The following ROCK2 variants were observed in gnomAD, a reference collection of about 807,000 sequenced individuals.
ROCK2 encodes the protein rho-associated protein kinase 2.
A neutral mutation model predicts 195.1 loss-of-function variants in ROCK2; 61 were observed. That is an observed-to-expected ratio of 0.31 (90% confidence interval 0.25 to 0.39). The LOEUF is 0.39. Ranked by LOEUF, ROCK2 falls within the 10% of genes least tolerant of loss-of-function variation. The pLI is 1.00. For synonymous variants in ROCK2, 504 were observed against 545.5 expected, an observed-to-expected ratio of 0.92 and a Z score of 1.06; for missense variants, 1,109 against 1,637.4, an observed-to-expected ratio of 0.68 and a Z score of 5.57.
rs767032283 is a variant in ROCK2, at chr2:11,182,559, T to G, written c.*878A>C. On this transcript the variant is annotated 3_prime_UTR_variant, in exon 33 of 33. Coordinates refer to ENST00000315872, the MANE Select transcript of ROCK2 (RefSeq NM_004850.5). ...ATTTGTTAATCAAAATAGGCTGACA[T>G]TGATATAACTATTTATGTGTAAAAA... is the stretch of plus-strand genomic sequence containing the variant. 2 of 152,356 alleles carry G rather than the reference T, an allele frequency of 1.3e-5. No homozygotes were observed. Among genetic ancestry groups the G allele is most frequent in the Non-Finnish European group, 2.9e-5 (2 of 68,040 alleles). 9.4% of individuals were successfully genotyped at this position (152,356 alleles called of 1,614,324 possible).
rs1664983640 is a variant in ROCK2 at position 11,230,873 on chromosome 2, G to A, written c.724-3475C>T. On this transcript the variant is annotated intron_variant, in intron 5 of 32. Coordinates refer to ENST00000315872, the MANE Select transcript of ROCK2 (RefSeq NM_004850.5). ...AAAGGTGGAAAAAAAACTGTAAATG[G>A]AATTTTTAATAACAGAATCACTGAA... Among the ~76,000 whole-genome samples the A allele has an allele frequency of 2.6e-5, 4 of 151,916 alleles. No individual in the cohort carries two copies. In the South Asian group the frequency reaches 8.3e-4, roughly 32 times the overall value.
rs181933666 is a variant in ROCK2 at position 11,272,496 on chromosome 2, T to C, written c.324+14043A>G. Among the ~76,000 whole-genome samples, 625 of 152,276 alleles carry C rather than the reference T, an allele frequency of 4.1e-3. 3 individuals are homozygous for C. The highest frequency in any genetic ancestry group is 0.014 in the African/African-American group (565 of 41,568). On this transcript the variant is annotated intron_variant, in intron 3 of 32. Coordinates refer to ENST00000315872, the MANE Select transcript of ROCK2 (RefSeq NM_004850.5). Reference sequence around the variant, plus strand: ...GTTCTATATAAAAAATTGATGCATTTAAAGTGATTAGTTTATGGTTTGGGG... The same window carrying C: ...GTTCTATATAAAAAATTGATGCATTCAAAGTGATTAGTTTATGGTTTGGGG...
intron 5 of ROCK2, among the ~76,000 whole-genome samples, chr2:11,233,109 G>A (rs1169881619): frequency 1.3e-5 from 2 of 152,166 alleles, no homozygotes; most frequent in African/African-American, 4.8e-5. Context: ...AGCTACTCAG[G>A]AGGCTAAGGA....
chr2:11,308,251 A>T, intron 1 of ROCK2: 1 of 1,196,328 alleles, frequency 8.4e-7, no homozygotes, highest in Non-Finnish European at 1.2e-6. Flanking sequence ...GTACAGCTTT[A>T]CAGTCCACAC....
chr2:11,257,533 G>C (rs539798063), intron 3 of ROCK2, among the ~76,000 whole-genome samples: 1 of 151,394 alleles, frequency 6.6e-6, no homozygotes, highest in Non-Finnish European at 1.5e-5. Flanking sequence ...GCCTTGCTGT[G>C]AGTTTCTTCG....
At chr2:11,278,874 A>C (rs1666912120) in intron 3 of ROCK2, among the ~76,000 whole-genome samples, 1 of 152,166 alleles carries the variant, frequency 6.6e-6, no homozygotes, top group African/African-American at 2.4e-5. Flanking sequence ...TTGGCCTCTC[A>C]AAGTGCTGAG....
intron 1 of ROCK2, among the ~76,000 whole-genome samples, chr2:11,325,161 AG>A (rs1157207891): frequency 6.6e-6 from 1 of 152,248 alleles, no homozygotes; most frequent in Non-Finnish European, 1.5e-5. Context: ...GTTTATAAGT[AG>A]ATTTTTTTTC....
intron 1 of ROCK2, among the ~76,000 whole-genome samples, chr2:11,317,140 G>A (rs541387321): frequency 6.6e-6 from 1 of 152,046 alleles, no homozygotes; most frequent in Non-Finnish European, 1.5e-5. Context: ...TGCGAATGAG[G>A]CCACAGAAAT....
chr2:11,203,981 G>T (rs1054289332), intron 20 of ROCK2, among the ~76,000 whole-genome samples: 1 of 152,066 alleles, frequency 6.6e-6, no homozygotes, highest in East Asian at 1.9e-4. Flanking sequence ...TTTAAGAAAA[G>T]TAATTTTCAG....
At chr2:11,231,456 C>A (rs1354135050) in intron 5 of ROCK2, among the ~76,000 whole-genome samples, 3 of 152,152 alleles carry the variant, frequency 2.0e-5, no homozygotes, top group African/African-American at 7.2e-5. Context: ...GATCCACCCA[C>A]CTCAGCCTCC....
rs1030991062 is a variant in ROCK2, at chr2:11,201,352, C to A, written c.2681G>T (p.Gly894Val). ...CTGTTTCTTCTGCTGCAATTCTTTACCAAGTTTGGTCTTTTCTTCACATTC... is the reference window on the plus strand; with the variant it reads ...CTGTTTCTTCTGCTGCAATTCTTTAACAAGTTTGGTCTTTTCTTCACATTC... Reference protein sequence around the residue: ...KEECEEKTKLGKELQQKKQEL... With the variant: ...KEECEEKTKLVKELQQKKQEL... The change falls in exon 22 of 33, where the codon GGT becomes GTT. Residue 894 changes from glycine to valine, a missense_variant. By Grantham distance (109) the Gly-to-Val change is moderately radical. This residue lies in a region of ROCK2 where 542 missense variants were observed against 672.0 expected (regional missense o/e 0.81). Transcript: ENST00000315872. The surrounding 1 kb of genome is among the most constrained non-coding windows in gnomAD (Gnocchi z 4.6). The A allele has an allele frequency of 1.9e-6, 3 of 1,613,300 alleles. No homozygotes were observed. Among genetic ancestry groups the A allele is most frequent in the Non-Finnish European group, 1.7e-6 (2 of 1,179,528 alleles).
intron 1 of ROCK2, among the ~76,000 whole-genome samples, chr2:11,317,627 T>TTTAA (rs1192587957): frequency 3.2e-5 from 1 of 31,424 alleles, no homozygotes; most frequent in Non-Finnish European, 7.1e-5. Flanking sequence ...TTTTTTTTTT[T>TTTAA]AATTATACTT....
chr2:11,184,273 G>A (rs1037837576), intron 32 of ROCK2, among the ~76,000 whole-genome samples: 18 of 152,182 alleles, frequency 1.2e-4, no homozygotes, highest in African/African-American at 4.1e-4. Flanking sequence ...GAAATAAAAG[G>A]AGAGAGATGG....
chr2:11,219,362 T>G (rs1345277792), intron 9 of ROCK2, among the ~76,000 whole-genome samples: 1 of 75,492 alleles, frequency 1.3e-5, no homozygotes, highest in African/African-American at 3.6e-5. Flanking sequence ...AAAAAAAAAA[T>G]TAGCCGGGCA....
chr2:11,182,901 T>C lies in ROCK2; in HGVS notation c.*536A>G, dbSNP rs924643313. On this transcript the variant is annotated 3_prime_UTR_variant, in exon 33 of 33. Coordinates refer to ENST00000315872, the MANE Select transcript of ROCK2 (RefSeq NM_004850.5). ...CAAGTAATGATATCTGATTAATGTGTATAAAAAATAAAGTGGGAAGTTTAA... is the reference window on the plus strand; with the variant it reads ...CAAGTAATGATATCTGATTAATGTGCATAAAAAATAAAGTGGGAAGTTTAA... 1 of 152,568 alleles carries C rather than the reference T, an allele frequency of 6.6e-6. No homozygotes were observed. Among genetic ancestry groups the C allele is most frequent in the African/African-American group, 2.4e-5 (1 of 41,426 alleles). The allele number at this position is 152,568 out of a possible 1,614,324, so 9.5% of individuals were successfully genotyped here. A position where few individuals can be genotyped will look rare whatever the true frequency, so the allele number is the denominator to read the frequency against.
At chr2:11,296,117 T>C (rs1185167512) in intron 1 of ROCK2, among the ~76,000 whole-genome samples, 2 of 143,554 alleles carry the variant, frequency 1.4e-5, no homozygotes, top group African/African-American at 5.2e-5. Context: ...AGGGGCAAGA[T>C]GGTGGAGGAA....
rs188231169 is a variant in ROCK2 at position 11,275,775 on chromosome 2, C to T, written c.324+10764G>A. ...AGTACAGTGGTGCAATCTCAGCTCA[C>T]TGCAACCTCCACCTCCCGGATTCAA... On this transcript the variant is annotated intron_variant, in intron 3 of 32. Coordinates refer to ENST00000315872, the MANE Select transcript of ROCK2 (RefSeq NM_004850.5). 3.5e-4 allele frequency among the ~76,000 whole-genome samples: 52 copies of T among 147,886 alleles called. No homozygotes were observed. In the East Asian group the frequency reaches 8.1e-3, roughly 23 times the overall value.
At chr2:11,186,370 A>G (rs547979335) in intron 32 of ROCK2, among the ~76,000 whole-genome samples, 13 of 152,288 alleles carry the variant, frequency 8.5e-5, no homozygotes, top group African/African-American at 3.1e-4. Flanking sequence ...AAAACCTTTG[A>G]AGTGTGTGCC....
chr2:11,325,832 T>C (rs978923007), intron 1 of ROCK2, among the ~76,000 whole-genome samples: 1 of 152,092 alleles, frequency 6.6e-6, no homozygotes, highest in Non-Finnish European at 1.5e-5. Flanking sequence ...AGAAATAGCA[T>C]GATAGTCACT....
Sources: gnomAD v4.1 joint callset for allele counts (sites outside exome capture counted in the v4.1 genomes callset) on GRCh38, gnomAD v4.1.1 for gene constraint, gnomAD v4.1.1 regional missense constraint, Gnocchi (gnomAD v3.1) non-coding constraint, MANE v1.5 for transcripts, NCBI Gene and HGNC (gene_info 2026-07-23, HGNC 2026-07-21) for gene names.